Variants in EPHB1 observed in about 807,000 individuals in gnomAD.
EPHB1 encodes the protein EPH receptor B1, also known as ephrin type-B receptor 1.
A neutral mutation model predicts 94.4 loss-of-function variants in EPHB1; 30 were observed. The observed-to-expected ratio is 0.32, with a 90% CI of 0.24 to 0.43. The LOEUF is 0.43. Among genes scored for constraint, EPHB1 ranks in the 20% least tolerant of loss-of-function variants. The pLI, the probability that EPHB1 is intolerant of heterozygous loss-of-function variation, is 1.00. For missense variants in EPHB1, 1,055 were observed against 1,308.3 expected (o/e 0.81, Z 2.99); for synonymous variants, 522 against 489.1 (o/e 1.07, Z -0.89).
At chr3:135,098,114 A>G (rs933169037) in intron 3 of EPHB1, among the ~76,000 whole-genome samples, 1 of 152,122 alleles carries the variant, frequency 6.6e-6, no homozygotes, top group Non-Finnish European at 1.5e-5. Flanking sequence ...TTTTATTGGT[A>G]AACACTTCAC....
chr3:135,132,948 A>G lies in EPHB1; in HGVS notation c.1196A>G (p.His399Arg). Residue 399 changes from histidine to arginine, a missense_variant, in exon 5 of 16, where the codon CAC becomes CGC. His to Arg is a conservative substitution (Grantham distance 29). Coordinates refer to ENST00000398015, the MANE Select transcript of EPHB1 (RefSeq NM_004441.5). ...CRVSISSLWA[H>R]TPYTFDIQAI... ...GTCTCCATCAGCAGCCTGTGGGCCC[A>G]CACCCCCTACACCTTTGACATCCAG... 1 of 1,613,958 alleles carries G rather than the reference A, an allele frequency of 6.2e-7. No individual in the cohort carries two copies. Among genetic ancestry groups the G allele is most frequent in the Non-Finnish European group, 8.5e-7 (1 of 1,179,856 alleles).
intron 1 of EPHB1, among the ~76,000 whole-genome samples, chr3:134,858,946 C>T (rs1464646748): frequency 1.3e-5 from 2 of 152,204 alleles, no homozygotes; most frequent in African/African-American, 4.8e-5. Context: ...GCTGATTCTG[C>T]CACACCACCA....
chr3:135,180,317 A>G (rs1473877094), intron 10 of EPHB1, among the ~76,000 whole-genome samples: 1 of 152,212 alleles, frequency 6.6e-6, no homozygotes, highest in Non-Finnish European at 1.5e-5. Flanking sequence ...AGAAATCTAC[A>G]TTTGTAGTAT....
intron 3 of EPHB1, among the ~76,000 whole-genome samples, chr3:134,985,375 T>C (rs1340820114): frequency 1.3e-5 from 2 of 152,142 alleles, no homozygotes; most frequent in East Asian, 3.9e-4. Context: ...CCTAGGCTGG[T>C]TGGAACTCCT....
At chr3:134,883,789 A>T (rs2037808717) in intron 1 of EPHB1, among the ~76,000 whole-genome samples, 1 of 152,208 alleles carries the variant, frequency 6.6e-6, no homozygotes, top group African/African-American at 2.4e-5. Context: ...AGCAGTTCCC[A>T]GTGAGGCCGG....
At chr3:135,257,535 T>G (rs1933454942) in intron 15 of EPHB1, among the ~76,000 whole-genome samples, 2 of 151,616 alleles carry the variant, frequency 1.3e-5, no homozygotes, top group Admixed American at 6.6e-5. Context: ...GCTGGGGGGG[T>G]CAGGGGTCAG....
intron 6 of EPHB1, among the ~76,000 whole-genome samples, chr3:135,159,675 T>C (rs1559855946): frequency 6.6e-6 from 1 of 152,190 alleles, no homozygotes; most frequent in Admixed American, 6.5e-5. Flanking sequence ...ATAGATCAAA[T>C]AGTGGGTGGG....
At chr3:135,235,124 T>C (rs1943619442) in intron 12 of EPHB1, among the ~76,000 whole-genome samples, 1 of 152,230 alleles carries the variant, frequency 6.6e-6, no homozygotes, top group Admixed American at 6.5e-5. Flanking sequence ...TTAGAATCTC[T>C]GGGAGTGGTG....
At chr3:135,205,254 A>G (rs1412216885) in intron 12 of EPHB1, among the ~76,000 whole-genome samples, 1 of 152,002 alleles carries the variant, frequency 6.6e-6, no homozygotes, top group African/African-American at 2.4e-5. Flanking sequence ...TGTGTTTTCT[A>G]TTGTTTGTAC....
intron 10 of EPHB1, among the ~76,000 whole-genome samples, chr3:135,183,729 A>T (rs1205917922): frequency 2.0e-5 from 3 of 152,204 alleles, no homozygotes; most frequent in Non-Finnish European, 4.4e-5. Flanking sequence ...CTTTGGATGG[A>T]CTGACATTGT....
At chr3:134,867,038 G>A (rs1224068783) in intron 1 of EPHB1, among the ~76,000 whole-genome samples, 1 of 152,136 alleles carries the variant, frequency 6.6e-6, no homozygotes, top group African/African-American at 2.4e-5. Context: ...GGCTGATCCC[G>A]TCCACTGAGA....
At chr3:135,184,327 C>T (rs1246296874) in intron 10 of EPHB1, among the ~76,000 whole-genome samples, 2 of 152,160 alleles carry the variant, frequency 1.3e-5, no homozygotes, top group African/African-American at 4.8e-5. Flanking sequence ...GTTGCATCAG[C>T]TGCCAAAGTT....
At chr3:135,034,876 TG>T (rs1365558900) in intron 3 of EPHB1, among the ~76,000 whole-genome samples, 1 of 152,242 alleles carries the variant, frequency 6.6e-6, no homozygotes, top group Non-Finnish European at 1.5e-5. Context: ...AGCCTCTGCC[TG>T]TAGGACCTGA....
At chr3:135,045,139 T>C (rs1936961708) in intron 3 of EPHB1, among the ~76,000 whole-genome samples, 1 of 152,192 alleles carries the variant, frequency 6.6e-6, no homozygotes, top group Non-Finnish European at 1.5e-5. Context: ...TTTCGGTGCA[T>C]TGACATTTGT....
intron 5 of EPHB1, among the ~76,000 whole-genome samples, chr3:135,140,760 G>A (rs1940794512): frequency 6.6e-6 from 1 of 152,154 alleles, no homozygotes; most frequent in Non-Finnish European, 1.5e-5. Context: ...AGGGTGGTTG[G>A]GATGGCATCC....
chr3:135,159,551 T>G (rs1941451751), intron 6 of EPHB1, among the ~76,000 whole-genome samples: 1 of 152,234 alleles, frequency 6.6e-6, no homozygotes, highest in Non-Finnish European at 1.5e-5. Flanking sequence ...AGATCTCAGA[T>G]CTCCACTGTG....
chr3:135,013,315 G>C (rs955837933), intron 3 of EPHB1, among the ~76,000 whole-genome samples: 5 of 152,214 alleles, frequency 3.3e-5, no homozygotes, highest in African/African-American at 1.2e-4. Flanking sequence ...GTCTACCCCT[G>C]CAGTGCCAAC....
chr3:134,852,755 T>C lies in EPHB1; in HGVS notation c.58+57066T>C, dbSNP rs763654486. ...ATGCAACCTAATTATCGACTGGTAT[T>C]GTGCAAAGAATGACTAGGCCTGTCT... is the stretch of plus-strand genomic sequence containing the variant. On this transcript the variant is annotated intron_variant, in intron 1 of 15. Transcript: ENST00000398015. Among the ~76,000 whole-genome samples, 27 of 152,242 alleles carry C rather than the reference T, an allele frequency of 1.8e-4. No homozygotes were observed. In the Middle Eastern group the frequency reaches 0.01, roughly 58 times the overall value.
At chr3:134,845,345 A>G (rs893606781) in intron 1 of EPHB1, among the ~76,000 whole-genome samples, 2 of 152,216 alleles carry the variant, frequency 1.3e-5, no homozygotes, top group Non-Finnish European at 2.9e-5. Flanking sequence ...GATCTGGCTT[A>G]TTCATCCATT....
Sources: gnomAD v4.1 joint callset for allele counts (sites outside exome capture counted in the v4.1 genomes callset) on GRCh38, gnomAD v4.1.1 for gene constraint, MANE v1.5 for transcripts, NCBI Gene and HGNC (gene_info 2026-07-23, HGNC 2026-07-21) for gene names.